PRRC2B: variants seen among roughly 807,000 people sequenced by gnomAD.
PRRC2B encodes the protein protein PRRC2B.
PRRC2B carries 68 observed loss-of-function variants against 242.3 expected under a neutral mutation model. The observed-to-expected ratio is 0.28, with a 90% CI of 0.23 to 0.34. PRRC2B has a LOEUF of 0.34. Ranked by LOEUF, PRRC2B falls within the 10% of genes least tolerant of loss-of-function variation. The probability of loss-of-function intolerance (pLI) is 1.00; values close to 1 mark genes in which losing one functional copy is unlikely to be tolerated. For synonymous variants in PRRC2B, 1,228 were observed against 1,173.6 expected, an observed-to-expected ratio of 1.05 and a Z score of -0.95; for missense variants, 2,835 against 2,954.8, an observed-to-expected ratio of 0.96 and a Z score of 0.94.
In PRRC2B at chr9:131,475,741, C is replaced by G; in HGVS notation, c.3612C>G (p.Ala1204=). 6.2e-7 allele frequency: 1 copy of G among 1,613,400 alleles called. No homozygotes were observed. Among genetic ancestry groups the G allele is most frequent in the Non-Finnish European group, 8.5e-7 (1 of 1,179,728 alleles). ...GAGGCCCTCGGGCCTTTGGGCGAGCCCTCCCTCCCCGGCTGAGCAATTGCG... is the reference window on the plus strand; with the variant it reads ...GAGGCCCTCGGGCCTTTGGGCGAGCGCTCCCTCCCCGGCTGAGCAATTGCG... ...KSRGPRAFGR[A]LPPRLSNCGY... is the part of the protein sequence containing the mutation. Residue 1204 remains alanine, a synonymous_variant, in exon 16 of 32, where the codon GCC becomes GCG. Coordinates refer to ENST00000683519, the MANE Select transcript of PRRC2B (RefSeq NM_013318.4).
rs1302819328 is a variant in PRRC2B, at chr9:131,492,168, G to C, written c.6382-1G>C. ...AGCTTGTTCCTGCTTGGTCTCTCTAGCCCTCTCAGATGGAGATGAAAGGCT... is the reference window on the plus strand; with the variant it reads ...AGCTTGTTCCTGCTTGGTCTCTCTACCCCTCTCAGATGGAGATGAAAGGCT... On this transcript the variant is annotated splice_acceptor_variant, in intron 29 of 31. Transcript: ENST00000683519. LOFTEE classifies it high-confidence loss of function. 1.2e-6 allele frequency: 2 copies of C among 1,612,700 alleles called. No homozygotes were observed. The highest frequency in any genetic ancestry group is 2.7e-5 in the African/African-American group (2 of 74,890).
chr9:131,478,929 G>A (rs531539514), intron 18 of PRRC2B, among the ~76,000 whole-genome samples: 1 of 152,252 alleles, frequency 6.6e-6, no homozygotes, highest in South Asian at 2.1e-4. Context: ...TCACCTCCCA[G>A]CTTCTCCTTC....
chr9:131,416,851 G>A (rs1837670566), intron 1 of PRRC2B, among the ~76,000 whole-genome samples: 1 of 151,834 alleles, frequency 6.6e-6, no homozygotes. Context: ...GGTGATTCTT[G>A]TTTTCTAGTT....
chr9:131,473,742 C>A lies in PRRC2B; in HGVS notation c.2324+18C>A. The stretch of plus-strand genomic sequence containing the variant: ...CGTGTCAGGTGAGATGAAGCCTGGT[C>A]CTGCTGCCTTGCCACTGAAGGAGGA... On this transcript the variant is annotated intron_variant, in intron 15 of 31. Transcript: ENST00000683519. 2 of 1,599,398 alleles carry A rather than the reference C, an allele frequency of 1.3e-6. No individual in the cohort carries two copies. Among genetic ancestry groups the A allele is most frequent in the Non-Finnish European group, 1.7e-6 (2 of 1,169,512 alleles).
intron 30 of PRRC2B, among the ~76,000 whole-genome samples, chr9:131,493,025 G>A (rs1418363100): frequency 1.3e-5 from 2 of 152,162 alleles, no homozygotes; most frequent in Non-Finnish European, 1.5e-5. Flanking sequence ...CACCATCGCT[G>A]CAGACGCCAT....
rs1308646983 is a variant in PRRC2B at position 131,495,751 on chromosome 9, A to C, written c.6567A>C (p.Arg2189=). ...TCATCTGTCCAAAGGCAAAACAACG[A>C]GTGGATGAGAAACCCAGCCTGGGAG... ...QGHYVQQAKQ[R]VDEKPSLGAV... is the part of the protein sequence containing the mutation. The change falls in exon 32 of 32, where the codon CGA becomes CGC. Residue 2189 remains arginine, a synonymous_variant. Coordinates refer to ENST00000683519, the MANE Select transcript of PRRC2B (RefSeq NM_013318.4). The C allele has an allele frequency of 1.4e-5, 22 of 1,611,168 alleles. No individual in the cohort carries two copies. The highest frequency in any genetic ancestry group is 1.9e-5 in the Non-Finnish European group (22 of 1,177,656).
intron 1 of PRRC2B, among the ~76,000 whole-genome samples, chr9:131,421,686 GA>G (rs2131311389): frequency 6.6e-6 from 1 of 152,332 alleles, no homozygotes; most frequent in African/African-American, 2.4e-5. Context: ...GTGAGTGGAG[GA>G]AAGAGCCATG....
chr9:131,490,823 A>G (rs2131482272), intron 28 of PRRC2B: 2 of 307,464 alleles, frequency 6.5e-6, no homozygotes, highest in Non-Finnish European at 1.3e-5. Context: ...TATACGTCCG[A>G]TGCAGCTTTC....
rs527399015 is a variant in PRRC2B at position 131,439,192 on chromosome 9, A to G, written c.469+131A>G. ...TCTCTTCCACAAAGAGGTACCGTCT[A>G]TGGAGCCCTTGCCTGTGCACAGCGG... On this transcript the variant is annotated intron_variant, in intron 5 of 31. Coordinates refer to ENST00000683519, the MANE Select transcript of PRRC2B (RefSeq NM_013318.4). 4.9e-4 allele frequency: 357 copies of G among 735,592 alleles called. 5 individuals are homozygous for G. Among genetic ancestry groups the G allele is most frequent in the South Asian group, 3.1e-3 (189 of 60,388 alleles). The allele number at this position is 735,592 out of a possible 1,614,324, so 45.6% of individuals were successfully genotyped here. A position where few individuals can be genotyped will look rare whatever the true frequency, so the allele number is the denominator to read the frequency against.
intron 9 of PRRC2B, among the ~76,000 whole-genome samples, chr9:131,453,639 C>T (rs1366631998): frequency 6.6e-6 from 1 of 152,142 alleles, no homozygotes; most frequent in Non-Finnish European, 1.5e-5. Context: ...TTAGGTGATT[C>T]TCTCACCTCA....
chr9:131,491,772 G>A (rs1431047077), intron 29 of PRRC2B, among the ~76,000 whole-genome samples, 192 bp downstream of exon 29: 1 of 152,240 alleles, frequency 6.6e-6, no homozygotes. Flanking sequence ...CGAGGGCTGA[G>A]GGCCAGGAAT....
chr9:131,420,478 TTTC>T (rs1837789202), intron 1 of PRRC2B, among the ~76,000 whole-genome samples: 4 of 15,680 alleles, frequency 2.6e-4, no homozygotes, highest in Admixed American at 6.1e-4. Context: ...TCTTTCTTTC[TTTC>T]TTTCTTTCTT....
intron 1 of PRRC2B, among the ~76,000 whole-genome samples, chr9:131,411,353 GT>G (rs72214403): frequency 0.96 from 130,262 of 135,100 alleles, 62,856 homozygotes; most frequent in Non-Finnish European, 0.99. Flanking sequence ...TTTTTGTTTT[GT>G]TTTTTTTTTT....
In PRRC2B at chr9:131,430,587, GTGTGTGTGTATA is replaced by G. The variant is rs1564281612; in HGVS notation, c.115+330_115+341del. 8.7e-5 allele frequency among the ~76,000 whole-genome samples: 12 copies of G among 138,108 alleles called. No homozygotes were observed. In the South Asian group the frequency reaches 9.1e-4, roughly 10 times the overall value. 90.6% of individuals were successfully genotyped at this position (138,108 alleles called of 152,430 possible). A position where few individuals can be genotyped will look rare whatever the true frequency, so the allele number is the denominator to read the frequency against. On this transcript the variant is annotated intron_variant, in intron 2 of 31. Transcript: ENST00000683519. ...TGTGTGTGTGTGTGTGTGTGTGTGT[GTGTGTGTGTATA>G]TATATGTTTTGGAGACAGAGTCTCA...
chr9:131,492,531 CG>C (rs1272490226), intron 30 of PRRC2B, among the ~76,000 whole-genome samples: 1 of 152,156 alleles, frequency 6.6e-6, no homozygotes, highest in East Asian at 1.9e-4. Context: ...GGAAAAGGAA[CG>C]GCTGACATTT....
chr9:131,393,157 C>A (rs188607719), upstream of PRRC2B, among the ~76,000 whole-genome samples: 1 of 152,106 alleles, frequency 6.6e-6, no homozygotes, highest in Non-Finnish European at 1.5e-5. Flanking sequence ...TTTGTCTCAC[C>A]TGTGAATTAG....
At chr9:131,488,655 C>T (rs936385527) in intron 28 of PRRC2B, among the ~76,000 whole-genome samples, 6 of 152,158 alleles carry the variant, frequency 3.9e-5, no homozygotes, top group African/African-American at 1.4e-4. Flanking sequence ...TTTCTCCCTG[C>T]CCTTGTGCAG....
intron 9 of PRRC2B, among the ~76,000 whole-genome samples, chr9:131,448,890 C>G (rs761336675): frequency 2.6e-5 from 4 of 152,164 alleles, no homozygotes; most frequent in Non-Finnish European, 5.9e-5. Context: ...TCACACACAT[C>G]CATATCCAGA....
At position 131,483,413 on chromosome 9, in the gene PRRC2B, G is replaced by T; in HGVS notation, c.5428G>T (p.Val1810Phe). The T allele has an allele frequency of 6.2e-7, 1 of 1,613,944 alleles. No individual in the cohort carries two copies. Among genetic ancestry groups the T allele is most frequent in the South Asian group, 1.1e-5 (1 of 91,080 alleles). ...GSASGPTGSP[V>F]VKLQDALASN... is the part of the protein sequence containing the mutation. The stretch of plus-strand genomic sequence containing the variant: ...TGCCTCTGGTCCTACTGGGAGTCCA[G>T]TTGTTAAACTTCAGGATGCCTTGGC... The change falls in exon 23 of 32, where the codon GTT (valine) becomes TTT (phenylalanine). Residue 1810 changes from valine to phenylalanine, a missense_variant. Transcript: ENST00000683519.
Sources: gnomAD v4.1 joint callset for allele counts (sites outside exome capture counted in the v4.1 genomes callset) on GRCh38, gnomAD v4.1.1 for gene constraint, MANE v1.5 for transcripts, NCBI Gene and HGNC (gene_info 2026-07-23, HGNC 2026-07-21) for gene names.